Variants in RABGAP1L observed in about 807,000 individuals in gnomAD.
RABGAP1L encodes the protein rab GTPase-activating protein 1-like.
RABGAP1L carries 63 observed loss-of-function variants against 137.7 expected under a neutral mutation model. The observed-to-expected ratio is 0.46, with a 90% confidence interval of 0.37 to 0.56. RABGAP1L has a LOEUF of 0.56. Ranked by LOEUF, RABGAP1L falls within the 20% of genes least tolerant of loss-of-function variation. The probability of loss-of-function intolerance (pLI) is 0.00; values close to 1 mark genes in which losing one functional copy is unlikely to be tolerated. For missense variants in RABGAP1L, 1,095 were observed against 1,244.0 expected, an observed-to-expected ratio of 0.88 and a Z score of 1.80; for synonymous variants, 431 against 433.7, an observed-to-expected ratio of 0.99 and a Z score of 0.08.
At chr1:174,744,688 T>C (rs2148660281) in intron 17 of RABGAP1L, among the ~76,000 whole-genome samples, 1 of 152,250 alleles carries the variant, frequency 6.6e-6, no homozygotes. Flanking sequence ...ATAAAATAAC[T>C]GGCCAATACT....
chr1:174,694,985 G>C (rs1485259965), intron 15 of RABGAP1L, among the ~76,000 whole-genome samples: 1 of 152,068 alleles, frequency 6.6e-6, no homozygotes, highest in Admixed American at 6.6e-5. Flanking sequence ...TTTTTTGGCT[G>C]CATAAATGTC....
chr1:174,993,673 A>G lies in RABGAP1L; in HGVS notation c.*3672A>G, dbSNP rs903293706. 6.6e-6 allele frequency: 1 copy of G among 152,228 alleles called. No individual in the cohort carries two copies. The highest frequency in any genetic ancestry group is 2.4e-5 in the African/African-American group (1 of 41,464). 9.4% of individuals were successfully genotyped at this position (152,228 alleles called of 1,614,324 possible). A position where few individuals can be genotyped will look rare whatever the true frequency, so the allele number is the denominator to read the frequency against. On this transcript the variant is annotated 3_prime_UTR_variant, in exon 26 of 26. Coordinates refer to ENST00000681986, the MANE Select transcript of RABGAP1L (RefSeq NM_001366446.1). ...TACTAACTCTCCCACCAACCTTTGC[A>G]TCAAACACTTAGGTACCTGCCTGAT...
chr1:174,969,223 C>G (rs753027712), intron 20 of RABGAP1L, 54 bp from the exon 21 acceptor site: 8 of 1,348,702 alleles, frequency 5.9e-6, no homozygotes, highest in Non-Finnish European at 8.3e-6. Flanking sequence ...CAGTTCTGTT[C>G]GTTTCTGTAT....
At chr1:174,967,343 T>G (rs1372235132) in intron 20 of RABGAP1L, among the ~76,000 whole-genome samples, 6 of 149,388 alleles carry the variant, frequency 4.0e-5, no homozygotes, top group Admixed American at 4.0e-4. Flanking sequence ...TTTTTTTTTT[T>G]TTTTTTTTGA....
At chr1:174,482,273 C>T (rs925954102) in intron 13 of RABGAP1L, among the ~76,000 whole-genome samples, 1 of 152,180 alleles carries the variant, frequency 6.6e-6, no homozygotes, top group African/African-American at 2.4e-5. Context: ...GTCAGACTTA[C>T]GACTTACCAA....
intron 13 of RABGAP1L, among the ~76,000 whole-genome samples, chr1:174,599,151 C>T (rs1670225810): frequency 6.6e-6 from 1 of 152,100 alleles, no homozygotes; most frequent in East Asian, 1.9e-4. Flanking sequence ...CATTTTGTAA[C>T]CAATCATTTA....
chr1:174,977,884 T>C (rs746893721), intron 22 of RABGAP1L, among the ~76,000 whole-genome samples: 19 of 152,190 alleles, frequency 1.2e-4, no homozygotes, highest in Non-Finnish European at 1.5e-4. Flanking sequence ...CTAACAGATA[T>C]GAAGAAATTC....
At chr1:174,640,121 A>G (rs1021730973) in intron 14 of RABGAP1L, among the ~76,000 whole-genome samples, 1 of 152,170 alleles carries the variant, frequency 6.6e-6, no homozygotes, top group African/African-American at 2.4e-5. Context: ...CTGTATATAC[A>G]TAAAAATAAT....
intron 17 of RABGAP1L, among the ~76,000 whole-genome samples, chr1:174,710,848 A>G (rs1175867672): frequency 6.6e-6 from 1 of 152,244 alleles, no homozygotes; most frequent in Non-Finnish European, 1.5e-5. Flanking sequence ...AATAGGCTAA[A>G]TACCCCAATT....
chr1:174,900,773 G>C (rs1204896287), intron 19 of RABGAP1L, among the ~76,000 whole-genome samples: 1 of 152,144 alleles, frequency 6.6e-6, no homozygotes, highest in Non-Finnish European at 1.5e-5. Context: ...ACCTGCATTG[G>C]CCTCCCAAAG....
At position 174,551,021 on chromosome 1, in the gene RABGAP1L, T is replaced by TACAC. The variant is rs1377725516; in HGVS notation, c.1711-86351_1711-86350insCACA. On this transcript the variant is annotated intron_variant, in intron 13 of 25. Transcript: ENST00000681986. ...ACACATATATATATATATATATATA[T>TACAC]ACATACACACACACACATATATATA... is the stretch of plus-strand genomic sequence containing the variant. 9.0e-5 allele frequency among the ~76,000 whole-genome samples: 11 copies of TACAC among 122,816 alleles called. 1 individual carries two copies. Among genetic ancestry groups the TACAC allele is most frequent in the African/African-American group, 4.2e-4 (11 of 26,160 alleles). The allele number at this position is 122,816 out of a possible 152,430, so 80.6% of individuals were successfully genotyped here.
chr1:174,634,154 C>G (rs1673712384), intron 13 of RABGAP1L, among the ~76,000 whole-genome samples: 4 of 133,266 alleles, frequency 3.0e-5, no homozygotes, highest in African/African-American at 1.2e-4. Flanking sequence ...GGGCTAATAT[C>G]CAGAATCTAC....
At chr1:174,195,751 C>G (rs1667604525) in intron 1 of RABGAP1L, among the ~76,000 whole-genome samples, 1 of 127,930 alleles carries the variant, frequency 7.8e-6, no homozygotes. Context: ...TTCTTTCTTT[C>G]TCTCTTTCTC....
At chr1:174,433,182 T>C (rs1300352000) in intron 13 of RABGAP1L, among the ~76,000 whole-genome samples, 7 of 152,210 alleles carry the variant, frequency 4.6e-5, no homozygotes, top group Admixed American at 4.6e-4. Context: ...TAATGAGTGG[T>C]GCAGCCATCA....
At chr1:174,789,773 T>C (rs1175182740) in intron 18 of RABGAP1L, among the ~76,000 whole-genome samples, 1 of 152,226 alleles carries the variant, frequency 6.6e-6, no homozygotes, top group African/African-American at 2.4e-5. Flanking sequence ...TGAAAATGAA[T>C]GAATTAATAG....
intron 14 of RABGAP1L, among the ~76,000 whole-genome samples, chr1:174,667,624 C>A (rs999262543): frequency 1.3e-5 from 2 of 152,256 alleles, no homozygotes; most frequent in East Asian, 3.9e-4. Flanking sequence ...CTATAGTCTT[C>A]CTTCAAAAAC....
intron 11 of RABGAP1L, among the ~76,000 whole-genome samples, chr1:174,345,186 T>C (rs1162817174): frequency 1.3e-5 from 2 of 152,228 alleles, no homozygotes; most frequent in Non-Finnish European, 2.9e-5. Context: ...TTTTGGTTGC[T>C]ATAGCTCTTT....
intron 22 of RABGAP1L, among the ~76,000 whole-genome samples, chr1:174,978,504 A>T (rs913809634): frequency 3.3e-5 from 5 of 152,204 alleles, no homozygotes. Context: ...TCTTATAAGG[A>T]TAAAGATAGC....
chr1:174,439,464 G>T (rs1344309309), intron 13 of RABGAP1L, among the ~76,000 whole-genome samples: 1 of 152,126 alleles, frequency 6.6e-6, no homozygotes, highest in Non-Finnish European at 1.5e-5. Context: ...CATTTAAAGT[G>T]CATTGGTACT....
Sources: gnomAD v4.1 joint callset for allele counts (sites outside exome capture counted in the v4.1 genomes callset) on GRCh38, gnomAD v4.1.1 for gene constraint, MANE v1.5 for transcripts, NCBI Gene and HGNC (gene_info 2026-07-23, HGNC 2026-07-21) for gene names.